USP12: variants seen among roughly 807,000 people sequenced by gnomAD.
The protein encoded by USP12 is ubiquitin carboxyl-terminal hydrolase 12.
Under a neutral mutation model 45.5 loss-of-function variants are expected in USP12, and 19 were observed. The ratio of observed to expected loss-of-function variants is 0.42; its 90% CI spans 0.29 to 0.61. The LOEUF is 0.61. USP12 is among the 20% of genes least tolerant of loss of function. The pLI, the probability that USP12 is intolerant of heterozygous loss-of-function variation, is 0.22. For missense variants in USP12, 242 were observed against 447.7 expected (o/e 0.54, Z 4.15); for synonymous variants, 149 against 148.8 (o/e 1.00, Z -0.01).
intron 1 of USP12, among the ~76,000 whole-genome samples, chr13:27,122,850 T>G (rs1278923831): frequency 6.6e-6 from 1 of 151,888 alleles, no homozygotes; most frequent in Non-Finnish European, 1.5e-5. Flanking sequence ...TCCCAGCACT[T>G]TGGGAGGCCG....
intron 3 of USP12, among the ~76,000 whole-genome samples, chr13:27,096,918 A>G (rs1445520929): frequency 6.6e-6 from 1 of 152,220 alleles, no homozygotes; most frequent in East Asian, 1.9e-4. Flanking sequence ...GATAAAACAA[A>G]TTAACAATTA....
chr13:27,163,138 G>T (rs962218004), intron 1 of USP12, among the ~76,000 whole-genome samples: 26 of 152,044 alleles, frequency 1.7e-4, no homozygotes, highest in African/African-American at 5.8e-4. Context: ...CAATTTACCA[G>T]CATATTTTTA....
intron 2 of USP12, among the ~76,000 whole-genome samples, chr13:27,110,772 T>C (rs116164717): frequency 0.048 from 7,238 of 152,248 alleles, 194 homozygotes; most frequent in Admixed American, 0.076. Context: ...GTCTTTAAAA[T>C]TGTATTTGTA....
At chr13:27,149,177 T>C (rs945608082) in intron 1 of USP12, among the ~76,000 whole-genome samples, 1 of 152,126 alleles carries the variant, frequency 6.6e-6, no homozygotes, top group Non-Finnish European at 1.5e-5. Flanking sequence ...AGCAATACCC[T>C]GTCTTAACAA....
intron 6 of USP12, among the ~76,000 whole-genome samples, chr13:27,082,315 C>T (rs550018948): frequency 3.9e-5 from 6 of 152,264 alleles, no homozygotes; most frequent in African/African-American, 1.4e-4. Context: ...CTCATGAACC[C>T]ACCCCTGCTA....
intron 3 of USP12, among the ~76,000 whole-genome samples, chr13:27,104,187 C>T (rs1216890966): frequency 1.3e-5 from 2 of 152,144 alleles, no homozygotes; most frequent in Admixed American, 1.3e-4. Flanking sequence ...TGCACCACCA[C>T]ATCCGATTAA....
intron 7 of USP12, among the ~76,000 whole-genome samples, chr13:27,072,864 G>A (rs968814020): frequency 6.6e-6 from 1 of 152,090 alleles, no homozygotes; most frequent in South Asian, 2.1e-4. Flanking sequence ...ATGAGGCTGC[G>A]CACACCCTCC....
intron 6 of USP12, among the ~76,000 whole-genome samples, chr13:27,079,450 C>T (rs12868800): frequency 0.034 from 5,247 of 152,206 alleles, 126 homozygotes; most frequent in Non-Finnish European, 0.054. Flanking sequence ...TCTCCAGTAG[C>T]CCAAGGGGGA....
Position 27,066,988 on chromosome 13 carries a change from A to C in USP12, c.*2295T>G, listed in dbSNP as rs1169198641. ...ATTAAGAAGAAAAAGTAAATGTAAA[A>C]CTGTCACCCCACAATCCCTCCCCTG... On this transcript the variant is annotated 3_prime_UTR_variant, in exon 9 of 9. Coordinates refer to ENST00000282344, the MANE Select transcript of USP12 (RefSeq NM_182488.4). 6.6e-6 allele frequency: 1 copy of C among 152,214 alleles called. No individual in the cohort carries two copies. Among genetic ancestry groups the C allele is most frequent in the African/African-American group, 2.4e-5 (1 of 41,450 alleles). 9.4% of individuals were successfully genotyped at this position (152,214 alleles called of 1,614,324 possible).
chr13:27,097,116 C>A (rs937620192), intron 3 of USP12, among the ~76,000 whole-genome samples: 1 of 148,632 alleles, frequency 6.7e-6, no homozygotes, highest in African/African-American at 2.5e-5. Flanking sequence ...AAGAAAAAAA[C>A]AATCAAAAGG....
rs1226674035 is a variant in USP12, at chr13:27,095,655, A to G, written c.519T>C (p.His173=). ...NNSTPDPTWV[H]EIFQGTLTNE... The stretch of plus-strand genomic sequence containing the variant: ...TAGTTAATGTTCCCTGAAAAATCTC[A>G]TGAACCCACGTTGGGTCTGGTGTGC... Residue 173 remains histidine, a synonymous_variant, in exon 4 of 9, where the codon CAT becomes CAC. Transcript: ENST00000282344. 6.2e-7 allele frequency: 1 copy of G among 1,611,830 alleles called. No homozygotes were observed.
rs1201412086 is a variant in USP12 at position 27,067,867 on chromosome 13, T to C, written c.*1416A>G. On this transcript the variant is annotated 3_prime_UTR_variant, in exon 9 of 9. Coordinates refer to ENST00000282344, the MANE Select transcript of USP12 (RefSeq NM_182488.4). ...TGGCTACTGTCAGACAACTTACTGA[T>C]GCATGGAAAAACGTCCAAAAAAACT... 6.6e-6 allele frequency: 1 copy of C among 152,206 alleles called. No individual in the cohort carries two copies. The highest frequency in any genetic ancestry group is 1.5e-5 in the Non-Finnish European group (1 of 68,042). 9.4% of individuals were successfully genotyped at this position (152,206 alleles called of 1,614,324 possible). A position where few individuals can be genotyped will look rare whatever the true frequency, so the allele number is the denominator to read the frequency against.
chr13:27,142,971 T>G (rs1336227090), intron 1 of USP12, among the ~76,000 whole-genome samples: 1 of 152,092 alleles, frequency 6.6e-6, no homozygotes, highest in East Asian at 1.9e-4. Context: ...CACACGCCTG[T>G]AGTCCCAGCT....
At chr13:27,105,978 A>C in intron 2 of USP12, 34 bp from the exon 3 acceptor site, 1 of 1,550,870 alleles carries the variant, frequency 6.4e-7, no homozygotes, top group Non-Finnish European at 8.7e-7. Context: ...TGTTAAATTT[A>C]GGGCAACACA....
rs550440288 is a variant in USP12 at position 27,132,716 on chromosome 13, A to G, written c.49-16120T>C. Among the ~76,000 whole-genome samples, 3 of 152,296 alleles carry G rather than the reference A, an allele frequency of 2.0e-5. No homozygotes were observed. The South Asian group carries it at 6.2e-4, about 32-fold the overall frequency. ...TGGGCACGTTAACAAGAAGAGCAGTACTCAGAATAGGAATGTCCTTGTCCT... is the reference window on the plus strand; with the variant it reads ...TGGGCACGTTAACAAGAAGAGCAGTGCTCAGAATAGGAATGTCCTTGTCCT... On this transcript the variant is annotated intron_variant, in intron 1 of 8. Coordinates refer to ENST00000282344, the MANE Select transcript of USP12 (RefSeq NM_182488.4).
intron 1 of USP12, among the ~76,000 whole-genome samples, chr13:27,170,903 T>C (rs1332215611): frequency 1.3e-5 from 2 of 151,900 alleles, no homozygotes; most frequent in Non-Finnish European, 2.9e-5. Flanking sequence ...GAGGAGAAAA[T>C]GGAGAGAATT....
intron 3 of USP12, among the ~76,000 whole-genome samples, chr13:27,098,821 T>C (rs898937488): frequency 7.9e-5 from 12 of 152,230 alleles, no homozygotes; most frequent in African/African-American, 2.9e-4. Context: ...GCTATAATTT[T>C]GTTAGGGAAT....
intron 3 of USP12, among the ~76,000 whole-genome samples, chr13:27,098,094 C>T (rs1874684100): frequency 1.3e-5 from 2 of 150,734 alleles, no homozygotes; most frequent in African/African-American, 4.9e-5. Flanking sequence ...TTTGTGTACA[C>T]TGAACCATCA....
rs190927454 is a variant in USP12, at chr13:27,107,681, G to A, written c.130-1737C>T. On this transcript the variant is annotated intron_variant, in intron 2 of 8. Coordinates refer to ENST00000282344, the MANE Select transcript of USP12 (RefSeq NM_182488.4). ...ACCCTTTTCCCATCCAAAAGAACTC[G>A]GACACCTTGAAGATATGGCTGATAC... Among the ~76,000 whole-genome samples, 9 of 152,194 alleles carry A rather than the reference G, an allele frequency of 5.9e-5. No homozygotes were observed. In the East Asian group the frequency reaches 7.7e-4, roughly 13 times the overall value.
Sources: allele counts gnomAD v4.1 joint callset (sites outside exome capture counted in the v4.1 genomes callset), GRCh38; gene constraint gnomAD v4.1.1; transcripts MANE v1.5; gene names NCBI Gene and HGNC (gene_info 2026-07-23, HGNC 2026-07-21).